Variants in LRMDA observed in about 807,000 individuals in gnomAD.
The protein encoded by LRMDA is leucine rich melanocyte differentiation associated.
In LRMDA, 18 loss-of-function variants were observed where a neutral mutation model predicts 29.8. The ratio of observed to expected loss-of-function variants is 0.60; its 90% confidence interval spans 0.42 to 0.90. LRMDA has a LOEUF of 0.90. Among genes scored for constraint, LRMDA ranks in the 40% least tolerant of loss-of-function variants. LRMDA has a pLI of 0.00. For synonymous variants in LRMDA, 125 were observed against 109.4 expected (o/e 1.14, Z -0.89); for missense variants, 273 against 273.9 (o/e 1.00, Z 0.02).
chr10:75,970,269 C>T (rs1157046223), intron 2 of LRMDA, among the ~76,000 whole-genome samples: 1 of 152,206 alleles, frequency 6.6e-6, no homozygotes, highest in Non-Finnish European at 1.5e-5. Flanking sequence ...CATCTCTTCT[C>T]CTGTGTGGGC....
intron 2 of LRMDA, among the ~76,000 whole-genome samples, chr10:75,672,458 C>T (rs959972678): frequency 3.3e-5 from 5 of 150,098 alleles, no homozygotes; most frequent in African/African-American, 1.2e-4. Flanking sequence ...GAAACCTTAG[C>T]TCCTGATATT....
At chr10:75,846,750 A>G (rs955498294) in intron 2 of LRMDA, among the ~76,000 whole-genome samples, 1 of 152,226 alleles carries the variant, frequency 6.6e-6, no homozygotes. Flanking sequence ...AAACCAAAGC[A>G]GAACAAACCC....
chr10:76,245,091 T>A (rs1001769909), intron 5 of LRMDA, among the ~76,000 whole-genome samples: 1 of 152,150 alleles, frequency 6.6e-6, no homozygotes, highest in Admixed American at 6.5e-5. Flanking sequence ...TGTCCACCCA[T>A]GTAGCACATG....
At chr10:75,709,358 G>T (rs1488996740) in intron 2 of LRMDA, among the ~76,000 whole-genome samples, 1 of 151,684 alleles carries the variant, frequency 6.6e-6, no homozygotes, top group Non-Finnish European at 1.5e-5. Flanking sequence ...AAGTGTGTGT[G>T]TCTGTGTGTG....
intron 5 of LRMDA, among the ~76,000 whole-genome samples, chr10:76,174,177 G>T (rs1850890708): frequency 6.6e-6 from 1 of 152,076 alleles, no homozygotes; most frequent in South Asian, 2.1e-4. Flanking sequence ...ACTAGAATAA[G>T]ATTTTATGAG....
rs115658382 is a variant in LRMDA, at chr10:76,248,185, C to G, written c.517-76216C>G. 3.5e-3 allele frequency among the ~76,000 whole-genome samples: 533 copies of G among 152,134 alleles called. 3 individuals carry two copies. The highest frequency in any genetic ancestry group is 0.012 in the African/African-American group (493 of 41,522). ...TGGATACATTTTTAATTTTTGTACC[C>G]CCAGGGCAGGAGTATGCTACTGGCA... On this transcript the variant is annotated intron_variant, in intron 5 of 6. Coordinates refer to ENST00000611255, the MANE Select transcript of LRMDA (RefSeq NM_001305581.2).
intron 5 of LRMDA, among the ~76,000 whole-genome samples, chr10:76,317,948 TA>T (rs1840720861): frequency 6.6e-6 from 1 of 152,232 alleles, no homozygotes; most frequent in African/African-American, 2.4e-5. Flanking sequence ...ACAACCTATG[TA>T]TTATTTTAAT....
intron 5 of LRMDA, among the ~76,000 whole-genome samples, chr10:76,214,593 C>T (rs1461205907): frequency 1.3e-5 from 2 of 152,078 alleles, no homozygotes; most frequent in Non-Finnish European, 2.9e-5. Context: ...ATCCACCCAC[C>T]TCGGCCTCCC....
At chr10:76,398,200 G>T (rs1215890501) in intron 6 of LRMDA, among the ~76,000 whole-genome samples, 5 of 152,190 alleles carry the variant, frequency 3.3e-5, no homozygotes, top group African/African-American at 1.2e-4. Flanking sequence ...TTTGGGCCTT[G>T]ATTAGCTCAT....
intron 2 of LRMDA, among the ~76,000 whole-genome samples, chr10:75,623,685 C>T (rs1000302047): frequency 2.0e-5 from 3 of 152,108 alleles, no homozygotes; most frequent in Non-Finnish European, 4.4e-5. Flanking sequence ...AATACCACCA[C>T]GGAAGAAAAG....
At chr10:76,325,885 G>A (rs896405726) in intron 6 of LRMDA, among the ~76,000 whole-genome samples, 2 of 152,020 alleles carry the variant, frequency 1.3e-5, no homozygotes, top group Non-Finnish European at 2.9e-5. Context: ...CTTGAAGAAA[G>A]GAAATATAAC....
At chr10:75,954,742 G>A (rs1846636228) in intron 2 of LRMDA, among the ~76,000 whole-genome samples, 2 of 152,224 alleles carry the variant, frequency 1.3e-5, no homozygotes, top group Admixed American at 6.5e-5. Context: ...ATCAAAACTT[G>A]CAGAACGCTT....
At chr10:75,594,393 C>T (rs1484034731) in intron 2 of LRMDA, among the ~76,000 whole-genome samples, 1 of 152,186 alleles carries the variant, frequency 6.6e-6, no homozygotes, top group Non-Finnish European at 1.5e-5. Flanking sequence ...AGGTTTAGCC[C>T]TTATTGAAAT....
At chr10:76,308,024 G>T (rs564740193) in intron 5 of LRMDA, among the ~76,000 whole-genome samples, 1 of 152,108 alleles carries the variant, frequency 6.6e-6, no homozygotes, top group African/African-American at 2.4e-5. Context: ...TCCCCATAGA[G>T]TCATTTTGGT....
At chr10:76,156,020 G>C (rs1334098328) in intron 5 of LRMDA, among the ~76,000 whole-genome samples, 3 of 152,100 alleles carry the variant, frequency 2.0e-5, no homozygotes, top group African/African-American at 7.2e-5. Context: ...GTTCATCTGG[G>C]AAGACTTCCT....
intron 2 of LRMDA, among the ~76,000 whole-genome samples, chr10:75,577,355 G>T (rs777775431): frequency 6.6e-6 from 1 of 152,122 alleles, no homozygotes; most frequent in Non-Finnish European, 1.5e-5. Context: ...AGAGGGAAAA[G>T]AAATGAACAA....
At chr10:76,204,710 A>T (rs946364677) in intron 5 of LRMDA, among the ~76,000 whole-genome samples, 1 of 152,256 alleles carries the variant, frequency 6.6e-6, no homozygotes, top group Non-Finnish European at 1.5e-5. Flanking sequence ...AGAACCTGAC[A>T]TCTGTTTCTT....
intron 2 of LRMDA, chr10:75,552,442 C>G: frequency 3.6e-6 from 1 of 278,450 alleles, no homozygotes; most frequent in Non-Finnish European, 7.9e-6. Flanking sequence ...CCTCTGGCTG[C>G]TTTCAGAATT....
intron 5 of LRMDA, among the ~76,000 whole-genome samples, chr10:76,288,536 T>G (rs2132344027): frequency 6.6e-6 from 1 of 152,250 alleles, no homozygotes; most frequent in African/African-American, 2.4e-5. Flanking sequence ...TGGGATATAA[T>G]TAAACTAAAG....
Sources: allele counts gnomAD v4.1 joint callset (sites outside exome capture counted in the v4.1 genomes callset), GRCh38; gene constraint gnomAD v4.1.1; transcripts MANE v1.5; gene names NCBI Gene and HGNC (gene_info 2026-07-23, HGNC 2026-07-21).